The following PLK4 variants were observed in gnomAD, a reference collection of about 807,000 sequenced individuals.
PLK4 encodes the protein serine/threonine-protein kinase PLK4.
Under a neutral mutation model 103.0 loss-of-function variants are expected in PLK4, and 51 were observed. That is an observed-to-expected ratio of 0.50 (90% CI 0.40 to 0.63). PLK4 has a LOEUF of 0.63. Among genes scored for constraint, PLK4 ranks in the 20% least tolerant of loss-of-function variants. The pLI, the probability that PLK4 is intolerant of heterozygous loss-of-function variation, is 0.00. For synonymous variants in PLK4, 389 were observed against 376.8 expected, an observed-to-expected ratio of 1.03 and a Z score of -0.38; for missense variants, 1,054 against 1,151.0, an observed-to-expected ratio of 0.92 and a Z score of 1.22.
intron 6 of PLK4, among the ~76,000 whole-genome samples, chr4:127,888,136 C>T (rs1331914881): frequency 6.6e-5 from 8 of 121,656 alleles, no homozygotes; most frequent in South Asian, 2.7e-4. Context: ...GCTGAGATCA[C>T]GCCACTGCAC....
Position 127,890,088 on chromosome 4 carries a change from T to C in PLK4, c.1682T>C (p.Val561Ala). 6.2e-7 allele frequency: 1 copy of C among 1,613,886 alleles called. No individual in the cohort carries two copies. Among genetic ancestry groups the C allele is most frequent in the Non-Finnish European group, 8.5e-7 (1 of 1,179,804 alleles). The change falls in exon 7 of 16, where the codon GTT becomes GCT. Residue 561 changes from valine (V) to alanine (A), a missense_variant. This residue lies in a region of PLK4 where 680 missense variants were observed against 660.3 expected (regional missense o/e 1.03). Transcript: ENST00000270861. ...SKPEIIQQEC[V>A]FGSDPLSEQS... Reference sequence around the variant, plus strand: ...CCTGAGATAATCCAACAAGAATGTGTTTTTGGCTCAGATCCTCTTTCTGAA... The same window carrying C: ...CCTGAGATAATCCAACAAGAATGTGCTTTTGGCTCAGATCCTCTTTCTGAA...
At chr4:127,892,102 G>A (rs981042132) in intron 9 of PLK4, 5 of 268,990 alleles carry the variant, frequency 1.9e-5, no homozygotes, top group African/African-American at 1.1e-4. Flanking sequence ...CACCATGTAT[G>A]TGGCTTTTGA....
At chr4:127,888,736 G>A (rs1243869334) in intron 6 of PLK4, among the ~76,000 whole-genome samples, 1 of 151,932 alleles carries the variant, frequency 6.6e-6, no homozygotes, top group Non-Finnish European at 1.5e-5. Flanking sequence ...AAATAATGAT[G>A]GAAAAAAGAA....
chr4:127,885,109 G>T (rs1002679076), intron 4 of PLK4, among the ~76,000 whole-genome samples: 5 of 152,056 alleles, frequency 3.3e-5, no homozygotes, highest in Non-Finnish European at 7.3e-5. Context: ...AAAAAAGTAG[G>T]CTTCTCTTAA....
intron 15 of PLK4, among the ~76,000 whole-genome samples, chr4:127,898,201 C>T (rs1342139977): frequency 6.6e-6 from 1 of 152,068 alleles, no homozygotes; most frequent in Non-Finnish European, 1.5e-5. Flanking sequence ...GAAGCCAGTT[C>T]AAGTTTATCT....
In PLK4 at chr4:127,890,038, A is replaced by C. The variant is rs779177164; in HGVS notation, c.1632A>C (p.Lys544Asn). ...CTGTAAAACAGCAAAATACCATGAA[A>C]TATATGACTGCACTTCACAGTAAAC... ...AHSVKQQNTM[K>N]YMTALHSKPE... Residue 544 changes from lysine to asparagine, a missense_variant, in exon 7 of 16, where the codon AAA becomes AAC. Around this residue, in one of 4 missense-constraint regions of PLK4, gnomAD observed 680 missense variants for 660.3 expected, o/e 1.03. Coordinates refer to ENST00000270861, the MANE Select transcript of PLK4 (RefSeq NM_014264.5). 2.5e-6 allele frequency: 4 copies of C among 1,613,804 alleles called. No homozygotes were observed. The highest frequency in any genetic ancestry group is 3.4e-6 in the Non-Finnish European group (4 of 1,179,786).
intron 5 of PLK4, 125 bp downstream of exon 5, chr4:127,886,853 G>A (rs1013623982): frequency 1.5e-5 from 9 of 601,112 alleles, no homozygotes; most frequent in Non-Finnish European, 2.3e-5. Flanking sequence ...CCACTGTCAT[G>A]ATTTTGACCT....
In PLK4 at chr4:127,886,049, G is replaced by A. The variant is rs767845686; in HGVS notation, c.679G>A (p.Asp227Asn). ...KNTLNKVVLA[D>N]YEMPSFLSIE... The stretch of plus-strand genomic sequence containing the variant: ...CACATTAAATAAAGTAGTATTGGCA[G>A]ATTATGAAATGCCATCTTTTTTGTC... Residue 227 changes from aspartate (D) to asparagine (N), a missense_variant, in exon 5 of 16, where the codon GAT (aspartate) becomes AAT (asparagine). Asp to Asn is a conservative substitution (Grantham distance 23). This residue lies in a region of PLK4 where 680 missense variants were observed against 660.3 expected (regional missense o/e 1.03). Transcript: ENST00000270861. The A allele has an allele frequency of 6.2e-7, 1 of 1,613,742 alleles. No individual in the cohort carries two copies.
In PLK4 at chr4:127,881,021, G is replaced by A; in HGVS notation, c.-114G>A. The A allele has an allele frequency of 1.6e-6, 2 of 1,237,546 alleles. No individual in the cohort carries two copies. The highest frequency in any genetic ancestry group is 2.4e-5 in the East Asian group (1 of 41,972). 76.7% of individuals were successfully genotyped at this position (1,237,546 alleles called of 1,614,324 possible). Reference sequence around the variant, plus strand: ...TTCAGCGTCGTCGCCTGGAGCGGCGGTTTAGAGAGCCGAGCCTGATGGGCG... The same window carrying A: ...TTCAGCGTCGTCGCCTGGAGCGGCGATTTAGAGAGCCGAGCCTGATGGGCG... On this transcript the variant is annotated 5_prime_UTR_variant, in exon 1 of 16. Coordinates refer to ENST00000270861, the MANE Select transcript of PLK4 (RefSeq NM_014264.5).
At chr4:127,881,437 C>G in intron 1 of PLK4, 1 of 1,366,560 alleles carries the variant, frequency 7.3e-7, no homozygotes, top group Non-Finnish European at 9.6e-7. Context: ...CCCGCCCGAG[C>G]TACCGCGTTA....
chr4:127,898,058 A>G lies in PLK4; in HGVS notation c.2811-381A>G, dbSNP rs148676463. Among the ~76,000 whole-genome samples, 1,384 of 151,748 alleles carry G rather than the reference A, an allele frequency of 9.1e-3. 22 individuals carry two copies. Among genetic ancestry groups the G allele is most frequent in the African/African-American group, 0.032 (1,311 of 41,344 alleles). On this transcript the variant is annotated intron_variant, in intron 15 of 15. Coordinates refer to ENST00000270861, the MANE Select transcript of PLK4 (RefSeq NM_014264.5). ...TCAACATATTGGCCAGGCTGGTCTC[A>G]AACACCTGACCTCGTAATCCACCCC...
chr4:127,896,390 C>T (rs1471085462), intron 14 of PLK4, among the ~76,000 whole-genome samples: 2 of 152,096 alleles, frequency 1.3e-5, no homozygotes, highest in Non-Finnish European at 2.9e-5. Context: ...GAAAGAAATT[C>T]TTGTGGCTTA....
intron 5 of PLK4, among the ~76,000 whole-genome samples, chr4:127,887,172 G>T (rs1212024871): frequency 6.6e-6 from 1 of 152,038 alleles, no homozygotes; most frequent in Non-Finnish European, 1.5e-5. Flanking sequence ...TAAATTATAA[G>T]AGGGCAGTAG....
intron 1 of PLK4, chr4:127,881,444 G>T: frequency 7.6e-7 from 1 of 1,322,204 alleles, no homozygotes; most frequent in Non-Finnish European, 9.9e-7. Context: ...GAGCTACCGC[G>T]TTAGAGCAGG....
Position 127,898,466 on chromosome 4 carries a change from C to G in PLK4, c.2838C>G (p.Asp946Glu), listed in dbSNP as rs1735660014. 1.3e-6 allele frequency: 2 copies of G among 1,569,562 alleles called. No individual in the cohort carries two copies. Among genetic ancestry groups the G allele is most frequent in the Non-Finnish European group, 1.7e-6 (2 of 1,145,206 alleles). Reference protein sequence around the residue: ...TRYGENEKLPDYIKQKLQCLS... With the variant: ...TRYGENEKLPEYIKQKLQCLS... The stretch of plus-strand genomic sequence containing the variant: ...ATGGAGAAAATGAAAAATTACCAGA[C>G]TACATCAAACAGAAATTACAGTGTC... Residue 946 changes from aspartate to glutamate, a missense_variant, in exon 16 of 16, where the codon GAC (aspartate) becomes GAG (glutamate). By Grantham distance (45) the Asp-to-Glu change is conservative (BLOSUM62 2). Transcript: ENST00000270861.
Position 127,886,005 on chromosome 4 carries a change from A to T in PLK4, c.635A>T (p.Asp212Val). Residue 212 changes from aspartate to valine, a missense_variant, in exon 5 of 16, where the codon GAC (aspartate) becomes GTC (valine). Asp to Val is a radical substitution (Grantham distance 152). Around this residue, in one of 4 missense-constraint regions of PLK4, gnomAD observed 199 missense variants for 270.1 expected, o/e 0.74. Coordinates refer to ENST00000270861, the MANE Select transcript of PLK4 (RefSeq NM_014264.5). ...TTACTTATCGGGAGACCACCCTTCG[A>T]CACTGACACAGTCAAGAACACATTA... ...YTLLIGRPPF[D>V]TDTVKNTLNK... 2 of 1,614,144 alleles carry T rather than the reference A, an allele frequency of 1.2e-6. No individual in the cohort carries two copies. The highest frequency in any genetic ancestry group is 1.7e-6 in the Non-Finnish European group (2 of 1,179,966).
rs370663471 is a variant in PLK4 at position 127,883,165 on chromosome 4, G to T, written c.127-97G>T. 1,056 of 643,444 alleles carry T rather than the reference G, an allele frequency of 1.6e-3. 8 individuals carry two copies. The highest frequency in any genetic ancestry group is 0.012 in the South Asian group (560 of 47,552). The allele number at this position is 643,444 out of a possible 1,614,324, so 39.9% of individuals were successfully genotyped here. On this transcript the variant is annotated intron_variant, in intron 2 of 15. Coordinates refer to ENST00000270861, the MANE Select transcript of PLK4 (RefSeq NM_014264.5). ...GGTTGACCACAAAGACGTATAAAAG[G>T]ACTTCAGTCTATTTTAAAGTATACT... is the stretch of plus-strand genomic sequence containing the variant.
At chr4:127,886,769 CATT>C (rs945476728) in intron 5 of PLK4, 41 bp downstream of exon 5, 16 of 1,237,278 alleles carry the variant, frequency 1.3e-5, no homozygotes, top group African/African-American at 4.5e-5. Flanking sequence ...TTTTTGGTAA[CATT>C]ATACTAGTAT....
Position 127,880,912 on chromosome 4 carries a change from C to G in PLK4, c.-223C>G. 1.7e-6 allele frequency: 1 copy of G among 581,128 alleles called. No homozygotes were observed. The highest frequency in any genetic ancestry group is 1.9e-5 in the African/African-American group (1 of 53,390). 36.0% of individuals were successfully genotyped at this position (581,128 alleles called of 1,614,324 possible). A position where few individuals can be genotyped will look rare whatever the true frequency, so the allele number is the denominator to read the frequency against. On this transcript the variant is annotated 5_prime_UTR_variant, in exon 1 of 16. Transcript: ENST00000270861. ...TACGTCACCACCAGCCTAGCTCGGA[C>G]GGCAAGCGGCGGGAGATTTTCAAAA...
Sources: gnomAD v4.1 joint callset for allele counts (sites outside exome capture counted in the v4.1 genomes callset) on GRCh38, gnomAD v4.1.1 for gene constraint, gnomAD v4.1.1 regional missense constraint, MANE v1.5 for transcripts, NCBI Gene and HGNC (gene_info 2026-07-23, HGNC 2026-07-21) for gene names.